Variants in NEK5 observed in about 807,000 individuals in gnomAD.
NEK5 encodes serine/threonine-protein kinase Nek5.
In NEK5, 88 loss-of-function variants were observed where a neutral mutation model predicts 109.2. That is an observed-to-expected ratio of 0.81 (90% confidence interval 0.68 to 0.96). NEK5 has a LOEUF of 0.96. NEK5 is among the 40% of genes least tolerant of loss of function. NEK5 has a pLI of 0.00. For missense variants in NEK5, 834 were observed against 920.7 expected (o/e 0.91, Z 1.22); for synonymous variants, 283 against 299.9 (o/e 0.94, Z 0.58).
chr13:52,108,188 T>G (rs1955689669), intron 8 of NEK5, 130 bp downstream of exon 8: 1 of 613,880 alleles, frequency 1.6e-6, no homozygotes, highest in East Asian at 2.9e-5. Context: ...ATTTCACACA[T>G]GAAGCAAATG....
intron 4 of NEK5, among the ~76,000 whole-genome samples, chr13:52,115,757 T>G (rs1955845568): frequency 6.6e-6 from 1 of 152,294 alleles, no homozygotes; most frequent in East Asian, 1.9e-4. Flanking sequence ...TTCCATCTGC[T>G]GTAAAGCTCA....
intron 22 of NEK5, among the ~76,000 whole-genome samples, chr13:52,061,276 G>A (rs1487564960): frequency 6.6e-6 from 1 of 152,162 alleles, no homozygotes. Flanking sequence ...CTGACAGGAG[G>A]CAGAGCTCAG....
chr13:52,125,687 G>T (rs1956052710), intron 3 of NEK5, among the ~76,000 whole-genome samples: 1 of 152,198 alleles, frequency 6.6e-6, no homozygotes, highest in South Asian at 2.1e-4. Context: ...GGTAAACACT[G>T]AAGTGGGGCA....
chr13:52,067,298 A>G (rs1043803222), intron 20 of NEK5, among the ~76,000 whole-genome samples: 5 of 152,132 alleles, frequency 3.3e-5, no homozygotes, highest in Non-Finnish European at 7.4e-5. Flanking sequence ...ATATTGAGGG[A>G]GGAGAAAGAA....
intron 22 of NEK5, among the ~76,000 whole-genome samples, 180 bp downstream of exon 22, chr13:52,061,639 A>T (rs1326626741): frequency 6.6e-6 from 1 of 152,200 alleles, no homozygotes; most frequent in East Asian, 1.9e-4. Flanking sequence ...TGGAAAGCTC[A>T]TGTCTTTTGT....
At chr13:52,077,804 G>C (rs945663267) in intron 17 of NEK5, among the ~76,000 whole-genome samples, 1 of 152,214 alleles carries the variant, frequency 6.6e-6, no homozygotes, top group Non-Finnish European at 1.5e-5. Context: ...GCCAGGCACA[G>C]TGGCTCACAC....
rs1954408807 is a variant in NEK5, at chr13:52,041,046, T to C, written c.2229-3828A>G. ...GGGGGACCTAAGGAAGAAGACCCTA[T>C]TAGATATTTAGGAGGTATACAGGAA... is the stretch of plus-strand genomic sequence containing the variant. On this transcript the variant is annotated intron_variant, in intron 23 of 23. Coordinates refer to ENST00000684899, the MANE Select transcript of NEK5 (RefSeq NM_001365552.1). Among the ~76,000 whole-genome samples the C allele has an allele frequency of 2.0e-5, 3 of 152,000 alleles. 1 individual carries two copies. Among genetic ancestry groups the C allele is most frequent in the Non-Finnish European group, 4.4e-5 (3 of 68,008 alleles).
intron 23 of NEK5, among the ~76,000 whole-genome samples, chr13:52,045,286 C>T (rs867468639): frequency 5.3e-4 from 80 of 150,544 alleles, no homozygotes; most frequent in Admixed American, 7.9e-4. Context: ...CCTGCCCCCA[C>T]GCCCGGCTAA....
At chr13:52,116,196 A>AAT (rs1230826954) in intron 4 of NEK5, among the ~76,000 whole-genome samples, 2 of 151,210 alleles carry the variant, frequency 1.3e-5, no homozygotes, top group Non-Finnish European at 2.9e-5. Context: ...AAAAAAAAAA[A>AAT]ATCAAGATTG....
intron 4 of NEK5, among the ~76,000 whole-genome samples, chr13:52,114,493 C>G (rs570847485): frequency 6.6e-6 from 1 of 152,344 alleles, no homozygotes; most frequent in East Asian, 1.9e-4. Context: ...TTTTCCTCCT[C>G]TCTTCTTTAA....
chr13:52,064,246 C>T (rs1325679992), intron 21 of NEK5, among the ~76,000 whole-genome samples: 18 of 142,922 alleles, frequency 1.3e-4, no homozygotes, highest in Non-Finnish European at 2.2e-4. Context: ...GCCCCCCGCC[C>T]AGCCAGCCGC....
intron 12 of NEK5, among the ~76,000 whole-genome samples, chr13:52,093,920 G>A (rs968500428): frequency 5.9e-4 from 89 of 152,120 alleles, no homozygotes; most frequent in African/African-American, 1.9e-3. Flanking sequence ...GAAATAAAAA[G>A]CATAGTGAAA....
intron 22 of NEK5, among the ~76,000 whole-genome samples, chr13:52,055,200 T>C (rs903780762): frequency 1.4e-4 from 21 of 152,266 alleles, no homozygotes; most frequent in Middle Eastern, 3.4e-3. Context: ...AGGGTATCAG[T>C]GATGGAAGAT....
chr13:52,071,885 C>T, intron 20 of NEK5, 59 bp downstream of exon 20: 1 of 1,530,172 alleles, frequency 6.5e-7, no homozygotes, highest in East Asian at 2.3e-5. Context: ...GGACAGAGTT[C>T]AAAATGGGTT....
intron 22 of NEK5, among the ~76,000 whole-genome samples, chr13:52,054,003 AAAGT>A (rs1375622750): frequency 2.0e-5 from 3 of 152,254 alleles, no homozygotes; most frequent in Non-Finnish European, 2.9e-5. Flanking sequence ...GCTTAAAGAA[AAAGT>A]AAGTGCTTAA....
intron 22 of NEK5, among the ~76,000 whole-genome samples, chr13:52,059,860 C>T (rs1011611654): frequency 6.6e-5 from 10 of 151,706 alleles, no homozygotes; most frequent in South Asian, 2.1e-4. Context: ...TGCTTGATGA[C>T]GAGTTAGTGG....
chr13:52,125,463 T>C (rs1956047936), intron 3 of NEK5, among the ~76,000 whole-genome samples: 2 of 152,152 alleles, frequency 1.3e-5, no homozygotes, highest in South Asian at 4.1e-4. Flanking sequence ...CTCGGGAGGC[T>C]GAGGCAGGAG....
intron 5 of NEK5, among the ~76,000 whole-genome samples, chr13:52,111,888 A>T (rs1955765586): frequency 6.6e-6 from 1 of 152,220 alleles, no homozygotes; most frequent in Admixed American, 6.5e-5. Context: ...TATCTAGTTT[A>T]AAACAGAGCA....
intron 15 of NEK5, among the ~76,000 whole-genome samples, chr13:52,086,577 T>A: frequency 6.6e-6 from 1 of 152,232 alleles, no homozygotes; most frequent in Non-Finnish European, 1.5e-5. Flanking sequence ...ATTTTATATA[T>A]AACCCAAATG....
Sources: gnomAD v4.1 joint callset for allele counts (sites outside exome capture counted in the v4.1 genomes callset) on GRCh38, gnomAD v4.1.1 for gene constraint, MANE v1.5 for transcripts, NCBI Gene and HGNC (gene_info 2026-07-23, HGNC 2026-07-21) for gene names.